The following PDZD2 variants were observed in gnomAD, a reference collection of about 807,000 sequenced individuals.
PDZD2 encodes the protein PDZ domain containing 2, also known as PDZ domain-containing protein 2.
Under a neutral mutation model 220.7 loss-of-function variants are expected in PDZD2, and 90 were observed. That is an observed-to-expected ratio of 0.41 (90% confidence interval 0.34 to 0.49). The LOEUF is 0.49. PDZD2 is among the 20% of genes least tolerant of loss of function. The pLI, the probability that PDZD2 is intolerant of heterozygous loss-of-function variation, is 0.28. For synonymous variants in PDZD2, 1,375 were observed against 1,450.5 expected (o/e 0.95, Z 1.18); for missense variants, 3,174 against 3,608.5 (o/e 0.88, Z 3.08).
intron 2 of PDZD2, among the ~76,000 whole-genome samples, chr5:31,942,963 G>A (rs747317764): frequency 2.6e-5 from 4 of 152,182 alleles, no homozygotes; most frequent in African/African-American, 4.8e-5. Context: ...AGCACTTTGG[G>A]AGCCCAAGGC....
intron 2 of PDZD2, among the ~76,000 whole-genome samples, chr5:31,880,926 C>T (rs1055719334): frequency 1.3e-5 from 2 of 150,950 alleles, no homozygotes; most frequent in African/African-American, 2.4e-5. Flanking sequence ...CTCAGCCTCC[C>T]GAGTAGCTGG....
intron 2 of PDZD2, among the ~76,000 whole-genome samples, chr5:31,980,483 C>A (rs1750206667): frequency 6.6e-6 from 1 of 152,154 alleles, no homozygotes; most frequent in East Asian, 1.9e-4. Context: ...AAACTGTTGC[C>A]ATTGTTTTAA....
intron 1 of PDZD2, among the ~76,000 whole-genome samples, chr5:31,692,007 C>T (rs1056835951): frequency 1.1e-4 from 16 of 152,360 alleles, no homozygotes; most frequent in South Asian, 2.1e-4. Flanking sequence ...CTGTGCCCTG[C>T]ACCCGCATTC....
At chr5:31,819,257 A>G (rs1024505510) in intron 2 of PDZD2, among the ~76,000 whole-genome samples, 2 of 152,314 alleles carry the variant, frequency 1.3e-5, no homozygotes, top group South Asian at 4.1e-4. Flanking sequence ...TTTGTCTCTC[A>G]TTCTTTTTAA....
intron 2 of PDZD2, among the ~76,000 whole-genome samples, chr5:31,816,855 C>A (rs1755491469): frequency 1.3e-5 from 2 of 152,124 alleles, no homozygotes; most frequent in Non-Finnish European, 1.5e-5. Flanking sequence ...ATCTATGTAT[C>A]CTTGTGAGGT....
chr5:31,940,307 G>T (rs1183934423), intron 2 of PDZD2, among the ~76,000 whole-genome samples: 1 of 152,158 alleles, frequency 6.6e-6, no homozygotes, highest in Admixed American at 6.5e-5. Flanking sequence ...AGGCCCATCT[G>T]CCCAGATTGC....
chr5:31,709,985 C>T (rs1748011611), intron 1 of PDZD2, among the ~76,000 whole-genome samples: 2 of 152,146 alleles, frequency 1.3e-5, no homozygotes, highest in Non-Finnish European at 2.9e-5. Context: ...CAACACATTT[C>T]TCTAAAAACT....
intron 2 of PDZD2, chr5:31,847,419 G>C: frequency 1.9e-6 from 1 of 515,744 alleles, no homozygotes; most frequent in East Asian, 4.1e-5. Flanking sequence ...CCCAAATACA[G>C]GATGAGAGTT....
intron 2 of PDZD2, among the ~76,000 whole-genome samples, chr5:31,895,548 G>A (rs967921983): frequency 2.0e-5 from 3 of 152,186 alleles, no homozygotes; most frequent in African/African-American, 7.2e-5. Context: ...TAGCAGCCCA[G>A]ATGGAAGAAG....
intron 2 of PDZD2, chr5:31,908,691 AT>A (rs1404880409): frequency 4.1e-5 from 48 of 1,179,014 alleles, no homozygotes; most frequent in Non-Finnish European, 5.9e-5. Context: ...AAAACCTTTT[AT>A]GACAGGGGCT....
At chr5:31,898,815 T>A (rs1741818338) in intron 2 of PDZD2, among the ~76,000 whole-genome samples, 1 of 150,572 alleles carries the variant, frequency 6.6e-6, no homozygotes, top group African/African-American at 2.4e-5. Context: ...CTTCTTTTTT[T>A]TTTTTTTTTT....
intron 2 of PDZD2, among the ~76,000 whole-genome samples, chr5:31,975,821 T>A (rs1749711757): frequency 2.3e-5 from 3 of 129,198 alleles, no homozygotes; most frequent in Admixed American, 8.3e-5. Flanking sequence ...TTTTTTTTTT[T>A]GAGACAAGGT....
chr5:31,703,311 T>C (rs770358591), intron 1 of PDZD2, among the ~76,000 whole-genome samples: 3 of 152,016 alleles, frequency 2.0e-5, no homozygotes, highest in Non-Finnish European at 4.4e-5. Context: ...AAAGAATGAG[T>C]TCATGCCCTT....
chr5:32,090,310 A>G lies in PDZD2; in HGVS notation c.6862A>G (p.Arg2288Gly). The G allele has an allele frequency of 6.2e-7, 1 of 1,614,172 alleles. No homozygotes were observed. Among genetic ancestry groups the G allele is most frequent in the Non-Finnish European group, 8.5e-7 (1 of 1,180,014 alleles). ...TGTAAAGCCGCTGCTGGACACATCG[A>G]GGAATCTTCCAGCCACAGATGAAGG... ...YSVKPLLDTS[R>G]NLPATDEGDI... is the part of the protein sequence containing the mutation. Residue 2288 changes from arginine (R) to glycine (G), a missense_variant, in exon 20 of 25, where the codon AGG becomes GGG. Coordinates refer to ENST00000438447, the MANE Select transcript of PDZD2 (RefSeq NM_178140.4). The surrounding 1 kb of genome is among the most constrained non-coding windows in gnomAD (Gnocchi z 4.3).
At chr5:31,816,716 G>T (rs1028027091) in intron 2 of PDZD2, among the ~76,000 whole-genome samples, 6 of 152,146 alleles carry the variant, frequency 3.9e-5, no homozygotes, top group African/African-American at 1.4e-4. Context: ...GAGTTTGCAA[G>T]AAAAATTTGA....
At chr5:31,672,004 A>G (rs574615698) in intron 1 of PDZD2, among the ~76,000 whole-genome samples, 242 of 152,196 alleles carry the variant, frequency 1.6e-3, no homozygotes, top group African/African-American at 5.6e-3. Flanking sequence ...AGGATGGATA[A>G]TTGTTGTGGG....
rs186216148 is a variant in PDZD2, at chr5:31,956,117, T to C, written c.477-27038T>C. Among the ~76,000 whole-genome samples, 233 of 152,104 alleles carry C rather than the reference T, an allele frequency of 1.5e-3. 1 individual carries two copies. The highest frequency in any genetic ancestry group is 5.2e-3 in the African/African-American group (218 of 41,576). On this transcript the variant is annotated intron_variant, in intron 2 of 24. Transcript: ENST00000438447. Reference sequence around the variant, plus strand: ...CTGCTGTTGGATGGAATGTTCTAGATATTTGTCTGTTAGGTCCCTTGCTCT... The same window carrying C: ...CTGCTGTTGGATGGAATGTTCTAGACATTTGTCTGTTAGGTCCCTTGCTCT...
chr5:32,056,960 G>A (rs1739146376), intron 10 of PDZD2, among the ~76,000 whole-genome samples: 1 of 152,084 alleles, frequency 6.6e-6, no homozygotes, highest in African/African-American at 2.4e-5. Flanking sequence ...CATATATGGT[G>A]GCGTGCACCT....
chr5:32,099,635 C>G (rs538784336), intron 23 of PDZD2: 1 of 152,348 alleles, frequency 6.6e-6, no homozygotes, highest in African/African-American at 2.4e-5. Context: ...AAAACTGTCT[C>G]GACCACTTGG....
Sources: allele counts gnomAD v4.1 joint callset (sites outside exome capture counted in the v4.1 genomes callset), GRCh38; gene constraint gnomAD v4.1.1; non-coding constraint Gnocchi (gnomAD v3.1); transcripts MANE v1.5; gene names NCBI Gene and HGNC (gene_info 2026-07-23, HGNC 2026-07-21).